OR7E24: variants seen among roughly 807,000 people sequenced by gnomAD.
OR7E24 encodes olfactory receptor 7E24.
For missense variants in OR7E24, 385 were observed against 410.3 expected (o/e 0.94, Z 0.53); for synonymous variants, 130 against 157.5 (o/e 0.83, Z 1.31).
the OR7E24 span, among the ~76,000 whole-genome samples, chr19:9,233,908 T>C: frequency 6.2e-4 from 5 of 8,106 alleles, no homozygotes; most frequent in South Asian, 0.011. Flanking sequence ...CATGTCTTTC[T>C]TTTTTTTTTT....
chr19:9,249,150 C>A (rs1338750386), upstream of OR7E24, among the ~76,000 whole-genome samples: 1 of 152,122 alleles, frequency 6.6e-6, no homozygotes, highest in African/African-American at 2.4e-5. Context: ...TATCCAGGAA[C>A]CTAGCTATGG....
the OR7E24 span, chr19:9,207,831 C>T: frequency 6.6e-6 from 1 of 152,078 alleles, no homozygotes; most frequent in Non-Finnish European, 1.5e-5. Flanking sequence ...AATTTTACTA[C>T]ACTGAAATTC....
chr19:9,229,756 T>G, the OR7E24 span, among the ~76,000 whole-genome samples: 1 of 152,144 alleles, frequency 6.6e-6, no homozygotes. Flanking sequence ...ATAGAACAAT[T>G]TATTTAATGA....
chr19:9,226,864 C>G, the OR7E24 span, among the ~76,000 whole-genome samples: 1 of 152,156 alleles, frequency 6.6e-6, no homozygotes, highest in Admixed American at 6.6e-5. Flanking sequence ...GAACATCAGG[C>G]AGGGACCCTT....
chr19:9,217,718 T>G, the OR7E24 span, among the ~76,000 whole-genome samples: 1 of 152,184 alleles, frequency 6.6e-6, no homozygotes, highest in Non-Finnish European at 1.5e-5. Flanking sequence ...TTTTTATTTT[T>G]AGTAGAGACA....
At chr19:9,242,422 G>T (rs2066118785), upstream of OR7E24, among the ~76,000 whole-genome samples, 1 of 151,958 alleles carries the variant, frequency 6.6e-6, no homozygotes, top group African/African-American at 2.4e-5. Flanking sequence ...AATTTTTTTT[G>T]TATTTTTAGT....
chr19:9,206,913 C>T, the OR7E24 span: 1 of 152,170 alleles, frequency 6.6e-6, no homozygotes, highest in African/African-American at 2.4e-5. Flanking sequence ...TGGCTGGGCT[C>T]TCTTACCCAG....
chr19:9,233,216 T>C, the OR7E24 span, among the ~76,000 whole-genome samples: 115 of 152,374 alleles, frequency 7.5e-4, 4 homozygotes, highest in South Asian at 0.023. Context: ...ATGATGTTTT[T>C]CTGGTCTTTG....
chr19:9,248,917 C>T, upstream of OR7E24, among the ~76,000 whole-genome samples: 1 of 152,120 alleles, frequency 6.6e-6, no homozygotes, highest in East Asian at 1.9e-4. Context: ...CAAATCCTGC[C>T]CATGCCCCTG....
At chr19:9,230,815 C>T in the OR7E24 span, among the ~76,000 whole-genome samples, 1 of 152,048 alleles carries the variant, frequency 6.6e-6, no homozygotes, top group Non-Finnish European at 1.5e-5. Flanking sequence ...TTCATTTTTA[C>T]CAATGTCTTT....
upstream of OR7E24, chr19:9,250,929 T>C (rs1335971647): frequency 8.1e-6 from 6 of 744,636 alleles, no homozygotes; most frequent in Admixed American, 1.5e-4. Context: ...TCTAAGGAAA[T>C]TGGGTTTGTC....
At chr19:9,218,224 T>G in the OR7E24 span, among the ~76,000 whole-genome samples, 1 of 152,162 alleles carries the variant, frequency 6.6e-6, no homozygotes, top group African/African-American at 2.4e-5. Flanking sequence ...ATCTTCAAGT[T>G]TAAGACATGT....
At chr19:9,225,064 C>T in the OR7E24 span, among the ~76,000 whole-genome samples, 2 of 152,120 alleles carry the variant, frequency 1.3e-5, no homozygotes, top group Admixed American at 6.6e-5. Context: ...AATCACCCAA[C>T]AACAGAAGTG....
At chr19:9,250,068 A>G (rs2066140957), upstream of OR7E24, among the ~76,000 whole-genome samples, 1 of 152,120 alleles carries the variant, frequency 6.6e-6, no homozygotes, top group African/African-American at 2.4e-5. Flanking sequence ...CCTGGTAATT[A>G]TGTGCATTTA....
chr19:9,228,901 C>T, the OR7E24 span, among the ~76,000 whole-genome samples: 296 of 152,190 alleles, frequency 1.9e-3, 1 homozygote, highest in African/African-American at 6.4e-3. Flanking sequence ...TAAAGGCAGA[C>T]GTTATGTTAT....
rs1396958117 is a variant in OR7E24 at position 9,251,139 on chromosome 19, C to T, written c.96C>T (p.Leu32=). 6.8e-6 allele frequency: 11 copies of T among 1,613,536 alleles called. No individual in the cohort carries two copies. The highest frequency in any genetic ancestry group is 6.6e-5 in the South Asian group (6 of 91,072). ...QNLTGVSEFL[L]LGLSEDPELQ... ...TCACAGGTGTCTCAGAATTCCTCCT[C>T]CTGGGACTCTCAGAGGATCCAGAAC... The change falls in exon 1 of 1, where the codon CTC becomes CTT. Residue 32 remains leucine, a synonymous_variant. Transcript: ENST00000456448.
At chr19:9,217,662 C>G in the OR7E24 span, among the ~76,000 whole-genome samples, 1 of 152,108 alleles carries the variant, frequency 6.6e-6, no homozygotes, top group Non-Finnish European at 1.5e-5. Context: ...TCTCAGCCTC[C>G]TGAGTAGCTG....
chr19:9,219,698 C>A, the OR7E24 span: 1 of 152,280 alleles, frequency 6.6e-6, no homozygotes, highest in East Asian at 1.9e-4. Flanking sequence ...TCTCAGAGCA[C>A]CTTATTAAAT....
At chr19:9,232,185 G>A in the OR7E24 span, among the ~76,000 whole-genome samples, 1 of 152,074 alleles carries the variant, frequency 6.6e-6, no homozygotes, top group Non-Finnish European at 1.5e-5. Context: ...GCTACCTGGG[G>A]GCCAGGCGTG....
Sources: gnomAD v4.1 joint callset for allele counts (sites outside exome capture counted in the v4.1 genomes callset) on GRCh38, gnomAD v4.1.1 for gene constraint, MANE v1.5 for transcripts, NCBI Gene and HGNC (gene_info 2026-07-23, HGNC 2026-07-21) for gene names.